Variants in GNAL observed in about 807,000 individuals in gnomAD.
GNAL encodes G protein subunit alpha L.
A neutral mutation model predicts 55.1 loss-of-function variants in GNAL; 18 were observed. The observed-to-expected ratio is 0.33, with a 90% CI of 0.23 to 0.48. GNAL has a LOEUF of 0.48. GNAL is among the 20% of genes least tolerant of loss of function. The pLI is 0.99. For missense variants in GNAL, 412 were observed against 614.1 expected (o/e 0.67, Z 3.48); for synonymous variants, 253 against 237.0 (o/e 1.07, Z -0.62).
chr18:11,881,433 C>T lies in GNAL; in HGVS notation c.*298C>T, dbSNP rs919070277. 3.2e-5 allele frequency: 9 copies of T among 283,630 alleles called. No individual in the cohort carries two copies. Among genetic ancestry groups the T allele is most frequent in the South Asian group, 9.0e-5 (1 of 11,054 alleles). The allele number at this position is 283,630 out of a possible 1,614,324, so 17.6% of individuals were successfully genotyped here. A position where few individuals can be genotyped will look rare whatever the true frequency, so the allele number is the denominator to read the frequency against. On this transcript the variant is annotated 3_prime_UTR_variant, in exon 12 of 12. Transcript: ENST00000334049. This position sits in a 1 kb window ranked among gnomAD's most constrained non-coding sequence, Gnocchi z 4.8. ...ATTCATTCTCCCTTTATTGATTCAT[C>T]GAGGAGAACTTGGTAGATGGGGAGA... is the stretch of plus-strand genomic sequence containing the variant.
intron 5 of GNAL, among the ~76,000 whole-genome samples, chr18:11,837,976 G>A (rs2035533159): frequency 6.6e-6 from 1 of 151,988 alleles, no homozygotes; most frequent in South Asian, 2.1e-4. Context: ...CCCTTCTTAC[G>A]AAAAATTATC....
intron 7 of GNAL, among the ~76,000 whole-genome samples, chr18:11,865,339 G>A (rs1272047180): frequency 1.3e-5 from 2 of 149,588 alleles, no homozygotes; most frequent in African/African-American, 5.1e-5. Context: ...TCACCAGGCT[G>A]GGCTGTTGTC....
chr18:11,790,359 G>C (rs2034194438), intron 4 of GNAL, among the ~76,000 whole-genome samples: 1 of 151,998 alleles, frequency 6.6e-6, no homozygotes, highest in South Asian at 2.1e-4. Context: ...GCGTTTGTCA[G>C]CTCCTCACGA....
Position 11,883,410 on chromosome 18 carries a change from TGTTTAAGA to T in GNAL, c.*2282_*2289del, listed in dbSNP as rs1408247491. 9 of 153,306 alleles carry T rather than the reference TGTTTAAGA, an allele frequency of 5.9e-5. No homozygotes were observed. The highest frequency in any genetic ancestry group is 2.2e-4 in the African/African-American group (9 of 41,416). 9.5% of individuals were successfully genotyped at this position (153,306 alleles called of 1,614,324 possible). A position where few individuals can be genotyped will look rare whatever the true frequency, so the allele number is the denominator to read the frequency against. ...ACAATTACCCTCTAACTAAACATCC[TGTTTAAGA>T]GTTTAATTCAAACAACAGCCAGACT... On this transcript the variant is annotated 3_prime_UTR_variant, in exon 12 of 12. Coordinates refer to ENST00000334049, the MANE Select transcript of GNAL (RefSeq NM_182978.4).
At chr18:11,716,748 T>C (rs1443826673) in intron 1 of GNAL, among the ~76,000 whole-genome samples, 1 of 152,202 alleles carries the variant, frequency 6.6e-6, no homozygotes, top group Admixed American at 6.5e-5. Context: ...AACCCTGAGC[T>C]AGACACAGGA....
chr18:11,854,945 G>A (rs1265349201), intron 5 of GNAL, among the ~76,000 whole-genome samples: 1 of 152,078 alleles, frequency 6.6e-6, no homozygotes, highest in Non-Finnish European at 1.5e-5. Context: ...GCTGTTTTGA[G>A]ACGGAGTCTC....
At chr18:11,859,456 T>A (rs536883629) in intron 5 of GNAL, among the ~76,000 whole-genome samples, 1 of 152,336 alleles carries the variant, frequency 6.6e-6, no homozygotes, top group South Asian at 2.1e-4. Context: ...GCAACCACCA[T>A]GCCAAAACTG....
chr18:11,740,089 A>G (rs1407513555), intron 1 of GNAL, among the ~76,000 whole-genome samples: 1 of 151,508 alleles, frequency 6.6e-6, no homozygotes, highest in Non-Finnish European at 1.5e-5. Context: ...TTATTTATTT[A>G]TTTATTTATT....
chr18:11,689,462 C>T lies in GNAL; in HGVS notation c.-102C>T, dbSNP rs2031162821. On this transcript the variant is annotated 5_prime_UTR_variant, in exon 1 of 12. Coordinates refer to ENST00000334049, the MANE Select transcript of GNAL (RefSeq NM_182978.4). ...GGTCCGGGTGCAGCCCCCTCCCGCCCCTCCGCTGAGGCGCCGGCCTGAACT... is the reference window on the plus strand; with the variant it reads ...GGTCCGGGTGCAGCCCCCTCCCGCCTCTCCGCTGAGGCGCCGGCCTGAACT... 2.1e-6 allele frequency: 1 copy of T among 479,926 alleles called. No individual in the cohort carries two copies. Among genetic ancestry groups the T allele is most frequent in the Non-Finnish European group, 3.2e-6 (1 of 307,774 alleles). The allele number at this position is 479,926 out of a possible 1,614,324, so 29.7% of individuals were successfully genotyped here. A position where few individuals can be genotyped will look rare whatever the true frequency, so the allele number is the denominator to read the frequency against.
chr18:11,742,553 A>C (rs1473143450), intron 1 of GNAL, among the ~76,000 whole-genome samples: 2 of 152,230 alleles, frequency 1.3e-5, no homozygotes, highest in Admixed American at 6.5e-5. Context: ...CCTCTTAAGA[A>C]AAGTTTCCGT....
intron 4 of GNAL, among the ~76,000 whole-genome samples, chr18:11,821,544 A>G (rs2143629662): frequency 6.6e-6 from 1 of 152,362 alleles, no homozygotes; most frequent in South Asian, 2.1e-4. Context: ...AGGGATTATC[A>G]TGTGAGTAAG....
chr18:11,783,504 G>T (rs926721075), intron 4 of GNAL, among the ~76,000 whole-genome samples: 2 of 152,268 alleles, frequency 1.3e-5, no homozygotes, highest in South Asian at 2.1e-4. Context: ...TAATCTCACC[G>T]TGATGGCATC....
At position 11,755,165 on chromosome 18, in the gene GNAL, G is replaced by A. The variant is rs182019392; in HGVS notation, c.624+1220G>A. On this transcript the variant is annotated intron_variant, in intron 4 of 11. Transcript: ENST00000334049. Reference sequence around the variant, plus strand: ...CCAATATGTAAAACAGAGAGACCCCGCCCTGCCTGCAAGGGCTGTGGCCCC... The same window carrying A: ...CCAATATGTAAAACAGAGAGACCCCACCCTGCCTGCAAGGGCTGTGGCCCC... Among the ~76,000 whole-genome samples, 11 of 152,278 alleles carry A rather than the reference G, an allele frequency of 7.2e-5. No individual in the cohort carries two copies. The East Asian group carries it at 1.3e-3, about 19-fold the overall frequency.
At chr18:11,765,707 G>C (rs1444475073) in intron 4 of GNAL, among the ~76,000 whole-genome samples, 1 of 152,128 alleles carries the variant, frequency 6.6e-6, no homozygotes, top group Admixed American at 6.5e-5. Context: ...CACAATGTTC[G>C]TTCTATCCAT....
intron 5 of GNAL, among the ~76,000 whole-genome samples, chr18:11,860,826 A>G (rs1432260068): frequency 6.6e-6 from 1 of 152,148 alleles, no homozygotes; most frequent in Non-Finnish European, 1.5e-5. Context: ...CACGTTTCTT[A>G]GGGAAGATTT....
At chr18:11,823,828 T>G (rs538989465) in intron 4 of GNAL, among the ~76,000 whole-genome samples, 1 of 152,246 alleles carries the variant, frequency 6.6e-6, no homozygotes, top group African/African-American at 2.4e-5. Context: ...TTTGTGAACA[T>G]TTACGTAACT....
intron 5 of GNAL, among the ~76,000 whole-genome samples, chr18:11,855,229 C>T (rs920937413): frequency 2.0e-5 from 3 of 152,110 alleles, no homozygotes; most frequent in Admixed American, 6.5e-5. Context: ...CGTGAGCCAC[C>T]GCGCCCGGTC....
At chr18:11,843,579 G>A (rs112015860) in intron 5 of GNAL, among the ~76,000 whole-genome samples, 6,413 of 152,054 alleles carry the variant, frequency 0.042, 162 homozygotes, top group Middle Eastern at 0.071. Context: ...ATAAAGAGAT[G>A]TTAAAAATAA....
chr18:11,702,873 T>G (rs184324529), intron 1 of GNAL, among the ~76,000 whole-genome samples: 536 of 150,600 alleles, frequency 3.6e-3, no homozygotes, highest in Non-Finnish European at 6.2e-3. Flanking sequence ...ATCCCAACAC[T>G]TTGGGAGGCT....
Sources: gnomAD v4.1 joint callset for allele counts (sites outside exome capture counted in the v4.1 genomes callset) on GRCh38, gnomAD v4.1.1 for gene constraint, Gnocchi (gnomAD v3.1) non-coding constraint, MANE v1.5 for transcripts, NCBI Gene and HGNC (gene_info 2026-07-23, HGNC 2026-07-21) for gene names.